IPO5: variants seen among roughly 807,000 people sequenced by gnomAD.
IPO5 encodes importin-5.
A neutral mutation model predicts 143.3 loss-of-function variants in IPO5; 18 were observed. That is an observed-to-expected ratio of 0.13 (90% CI 0.09 to 0.19). The LOEUF is 0.19. IPO5 is among the 10% of genes least tolerant of loss of function. The pLI is 1.00. For missense variants in IPO5, 1,013 were observed against 1,336.9 expected (o/e 0.76, Z 3.78); for synonymous variants, 477 against 465.7 (o/e 1.02, Z -0.31).
Position 97,985,493 on chromosome 13 carries a change from C to A in IPO5, c.244C>A (p.Pro82Thr). ...ATTTGATGAAGTCTATCCAGCACTT[C>A]CCTCTGATGTTCAGACTGCCATCAA... ...SAFDEVYPAL[P>T]SDVQTAIKSE... The change falls in exon 6 of 29, where the codon CCC becomes ACC. Residue 82 changes from proline to threonine, a missense_variant. Physicochemically the swap from Pro to Thr is conservative, Grantham distance 38. This residue lies in a region of IPO5 where 328 missense variants were observed against 342.0 expected (regional missense o/e 0.96). Transcript: ENST00000651721. 1 of 1,613,980 alleles carries A rather than the reference C, an allele frequency of 6.2e-7. No homozygotes were observed. Among genetic ancestry groups the A allele is most frequent in the Non-Finnish European group, 8.5e-7 (1 of 1,179,928 alleles).
chr13:97,988,925 G>A (rs929908959), intron 6 of IPO5, 137 bp from the exon 7 acceptor site: 3 of 481,984 alleles, frequency 6.2e-6, no homozygotes, highest in Non-Finnish European at 1.1e-5. Flanking sequence ...AGAATTTTGT[G>A]GAGTTTTTAA....
Position 98,018,580 on chromosome 13 carries a change from A to G in IPO5, c.2712A>G (p.Glu904=), listed in dbSNP as rs746687804. 6.2e-7 allele frequency: 1 copy of G among 1,614,158 alleles called. No individual in the cohort carries two copies. ...GTCCAGCCTCATTTAAATACGCAGA[A>G]TATTTCTTAAGACCAATGCTCCAAT... ...HCSPASFKYA[E]YFLRPMLQYV... Residue 904 remains glutamate, a synonymous_variant, in exon 26 of 29, where the codon GAA becomes GAG. Coordinates refer to ENST00000651721, the MANE Select transcript of IPO5 (RefSeq NM_002271.6).
At chr13:97,980,826 CA>C (rs374921610) in intron 4 of IPO5, among the ~76,000 whole-genome samples, 377 of 108,798 alleles carry the variant, frequency 3.5e-3, no homozygotes, top group Middle Eastern at 0.011. Context: ...GACTCTATCT[CA>C]AAAAAAAAAA....
chr13:98,009,716 T>C (rs1392698189), intron 18 of IPO5, among the ~76,000 whole-genome samples, 165 bp from the exon 19 acceptor site: 1 of 152,196 alleles, frequency 6.6e-6, no homozygotes, highest in Admixed American at 6.5e-5. Flanking sequence ...ATTTCATTAT[T>C]GATTCTGAAC....
Position 98,022,828 on chromosome 13 carries a change from CTTTTAA to C in IPO5, c.*1009_*1014del, listed in dbSNP as rs1378209492. ...TGTAGAGCCACACACAACTTTTGAA[CTTTTAA>C]TTATAAGTGTTATGGCTAAAGTTAT... On this transcript the variant is annotated 3_prime_UTR_variant, in exon 29 of 29. Coordinates refer to ENST00000651721, the MANE Select transcript of IPO5 (RefSeq NM_002271.6). 1 of 152,570 alleles carries C rather than the reference CTTTTAA, an allele frequency of 6.6e-6. No homozygotes were observed. Among genetic ancestry groups the C allele is most frequent in the African/African-American group, 2.4e-5 (1 of 41,446 alleles). 9.5% of individuals were successfully genotyped at this position (152,570 alleles called of 1,614,324 possible).
intron 21 of IPO5, among the ~76,000 whole-genome samples, chr13:98,012,802 T>C (rs1160712847): frequency 7.0e-5 from 2 of 28,434 alleles, no homozygotes; most frequent in Non-Finnish European, 1.4e-4. Context: ...CTAGATTTGA[T>C]TTTTTTTTTT....
At chr13:97,974,525 G>A (rs531778471) in intron 3 of IPO5, among the ~76,000 whole-genome samples, 2 of 151,702 alleles carry the variant, frequency 1.3e-5, no homozygotes, top group Non-Finnish European at 2.9e-5. Context: ...GGCCAGGCTC[G>A]TCTCGAACTC....
intron 4 of IPO5, among the ~76,000 whole-genome samples, chr13:97,980,321 C>T (rs1450911671): frequency 6.6e-6 from 1 of 152,092 alleles, no homozygotes. Flanking sequence ...ATGGAGAGAA[C>T]CCTCTCTCAA....
chr13:98,012,835 AAG>A (rs1889830622), intron 21 of IPO5, among the ~76,000 whole-genome samples: 1 of 126,564 alleles, frequency 7.9e-6, no homozygotes, highest in African/African-American at 2.9e-5. Context: ...TTTAAGAGAT[AAG>A]GTCTGCCTAT....
At chr13:98,011,277 T>TTTTGTTTG (rs375613970) in intron 20 of IPO5, among the ~76,000 whole-genome samples, 1 of 151,988 alleles carries the variant, frequency 6.6e-6, no homozygotes, top group Non-Finnish European at 1.5e-5. Context: ...TTGGGGTTTT[T>TTTTGTTTG]TTTGTTTGTT....
chr13:97,974,245 T>A (rs1355479692), intron 3 of IPO5, among the ~76,000 whole-genome samples: 3 of 152,032 alleles, frequency 2.0e-5, no homozygotes, highest in Non-Finnish European at 2.9e-5. Context: ...AAGCAGCCTC[T>A]AAGCAATTTA....
chr13:97,977,705 CTGA>C (rs1332946918), intron 4 of IPO5, among the ~76,000 whole-genome samples: 3 of 152,112 alleles, frequency 2.0e-5, no homozygotes, highest in African/African-American at 7.2e-5. Context: ...CACTAGAAGA[CTGA>C]TGTTACATTT....
At position 97,985,986 on chromosome 13, in the gene IPO5, C is replaced by T. The variant is rs371977478; in HGVS notation, c.364+373C>T. ...AAAAATTAGTGGGCGTGATGGTGTGCACCTGTAGTCCCAGTTACTTGGGAG... is the reference window on the plus strand; with the variant it reads ...AAAAATTAGTGGGCGTGATGGTGTGTACCTGTAGTCCCAGTTACTTGGGAG... On this transcript the variant is annotated intron_variant, in intron 6 of 28. Transcript: ENST00000651721. Among the ~76,000 whole-genome samples, 23 of 152,134 alleles carry T rather than the reference C, an allele frequency of 1.5e-4. No homozygotes were observed. The East Asian group carries it at 3.5e-3, about 23-fold the overall frequency.
rs541750099 is a variant in IPO5 at position 97,982,381 on chromosome 13, G to A, written c.91-122G>A. ...AAGTGTATTTCATGTCACAGAAGGT[G>A]TTAACACCAGACCTAGATTAAATAA... On this transcript the variant is annotated intron_variant, in intron 4 of 28. Coordinates refer to ENST00000651721, the MANE Select transcript of IPO5 (RefSeq NM_002271.6). The A allele has an allele frequency of 7.1e-5, 46 of 651,250 alleles. No individual in the cohort carries two copies. The African/African-American group carries it at 7.1e-4, about 10-fold the overall frequency. The allele number at this position is 651,250 out of a possible 1,614,324, so 40.3% of individuals were successfully genotyped here.
At chr13:98,017,711 C>A (rs186852260) in intron 25 of IPO5, among the ~76,000 whole-genome samples, 5 of 152,296 alleles carry the variant, frequency 3.3e-5, no homozygotes, top group African/African-American at 4.8e-5. Flanking sequence ...ACCATTAACA[C>A]CCCCCATCAC....
chr13:98,015,441 A>G, intron 22 of IPO5, 89 bp from the exon 23 acceptor site: 3 of 718,822 alleles, frequency 4.2e-6, no homozygotes, highest in South Asian at 1.7e-5. Flanking sequence ...AACTGTGTTC[A>G]TTTTTCCATA....
At chr13:98,018,078 C>T (rs1890245419) in intron 25 of IPO5, among the ~76,000 whole-genome samples, 1 of 152,184 alleles carries the variant, frequency 6.6e-6, no homozygotes, top group African/African-American at 2.4e-5. Context: ...TAGTGCAGTA[C>T]ATTTTTTAAA....
At position 97,985,569 on chromosome 13, in the gene IPO5, A is replaced by G. The variant is rs1887267563; in HGVS notation, c.320A>G (p.Lys107Arg). The change falls in exon 6 of 29, where the codon AAA becomes AGA. Residue 107 changes from lysine (K) to arginine (R), a missense_variant. By Grantham distance (26) the Lys-to-Arg change is conservative. Around this residue, in one of 2 missense-constraint regions of IPO5, gnomAD observed 328 missense variants for 342.0 expected, o/e 0.96. Coordinates refer to ENST00000651721, the MANE Select transcript of IPO5 (RefSeq NM_002271.6). Reference sequence around the variant, plus strand: ...ATGGAAACACAATCTAGCATGAGGAAAAAAGTTTGTGATATTGCGGCAGAA... The same window carrying G: ...ATGGAAACACAATCTAGCATGAGGAGAAAAGTTTGTGATATTGCGGCAGAA... ...IQMETQSSMR[K>R]KVCDIAAELA... The G allele has an allele frequency of 1.2e-6, 2 of 1,614,140 alleles. No individual in the cohort carries two copies.
rs1053829607 is a variant in IPO5, at chr13:98,023,143, A to G, written c.*1321A>G. On this transcript the variant is annotated 3_prime_UTR_variant, in exon 29 of 29. Coordinates refer to ENST00000651721, the MANE Select transcript of IPO5 (RefSeq NM_002271.6). ...ATAGAAAATAGAATGGATTACATAC[A>G]GATGGTTTCCTTGTTAGCAGATGCC... The G allele has an allele frequency of 9.2e-5, 14 of 152,676 alleles. No individual in the cohort carries two copies. The highest frequency in any genetic ancestry group is 2.6e-4 in the Admixed American group (4 of 15,282). The allele number at this position is 152,676 out of a possible 1,614,324, so 9.5% of individuals were successfully genotyped here.
Sources: gnomAD v4.1 joint callset for allele counts (sites outside exome capture counted in the v4.1 genomes callset) on GRCh38, gnomAD v4.1.1 for gene constraint, gnomAD v4.1.1 regional missense constraint, MANE v1.5 for transcripts, NCBI Gene and HGNC (gene_info 2026-07-23, HGNC 2026-07-21) for gene names.